Variants in CIAO3 observed in about 807,000 individuals in gnomAD.
CIAO3 encodes cytosolic iron-sulfur assembly component 3.
CIAO3 carries 45 observed loss-of-function variants against 51.5 expected under a neutral mutation model. The ratio of observed to expected loss-of-function variants is 0.87; its 90% CI spans 0.69 to 1.12. The LOEUF is 1.12. CIAO3 is among the 50% of genes most tolerant of loss of function. The pLI is 0.00. For synonymous variants in CIAO3, 314 were observed against 269.3 expected (o/e 1.17, Z -1.63); for missense variants, 668 against 632.5 (o/e 1.06, Z -0.60).
chr16:738,266 A>G (rs949793793), intron 2 of CIAO3: 10 of 987,210 alleles, frequency 1.0e-5, no homozygotes, highest in African/African-American at 1.7e-5. Flanking sequence ...TGGGCTGGAA[A>G]TCGTCTCTTG....
intron 9 of CIAO3, 148 bp from the exon 10 acceptor site, chr16:731,148 G>GGA (rs2041275382): frequency 9.8e-7 from 1 of 1,024,768 alleles, no homozygotes; most frequent in South Asian, 1.6e-5. Flanking sequence ...GGACAAGAAC[G>GGA]GAGAGAGAGG....
intron 6 of CIAO3, chr16:733,737 C>T (rs1266925808): frequency 1.2e-5 from 5 of 418,302 alleles, no homozygotes; most frequent in Non-Finnish European, 2.2e-5. Flanking sequence ...AAACGGATGT[C>T]ACGGGGGAAC....
At chr16:740,600 C>T in intron 1 of CIAO3, 1 of 458,318 alleles carries the variant, frequency 2.2e-6, no homozygotes, top group Non-Finnish European at 3.9e-6. Context: ...GGAGCCGCCT[C>T]TGCTGCCTCC....
intron 4 of CIAO3, 117 bp from the exon 5 acceptor site, chr16:734,988 G>A: frequency 7.4e-7 from 1 of 1,359,750 alleles, no homozygotes; most frequent in Non-Finnish European, 9.7e-7. Context: ...TGCTTGCCGT[G>A]CCAAAGCCCC....
chr16:733,529 G>A, intron 6 of CIAO3, 102 bp from the exon 7 acceptor site: 1 of 1,539,626 alleles, frequency 6.5e-7, no homozygotes, highest in South Asian at 1.2e-5. Context: ...GACCCCGAGG[G>A]ACAGTGAGCC....
rs35973754 is a variant in CIAO3 at position 730,603 on chromosome 16, C to G, written c.1245G>C (p.Glu415Asp). 4 of 1,610,644 alleles carry G rather than the reference C, an allele frequency of 2.5e-6. No individual in the cohort carries two copies. The highest frequency in any genetic ancestry group is 1.7e-6 in the Non-Finnish European group (2 of 1,179,966). Residue 415 changes from glutamate to aspartate, a missense_variant, in exon 11 of 11, where the codon GAG (glutamate) becomes GAC (aspartate). By Grantham distance (45) the Glu-to-Asp change is conservative. Transcript: ENST00000251588. ...QLQAPDRPSR[E>D]LLQHVERLYG... ...ACAGTCTCTCCACGTGCTGGAGGAGCTCTCTGCTGGGCCTGTCTGGGGCCT... is the reference window on the plus strand; with the variant it reads ...ACAGTCTCTCCACGTGCTGGAGGAGGTCTCTGCTGGGCCTGTCTGGGGCCT...
Position 739,651 on chromosome 16 carries a change from T to C in CIAO3, c.154A>G (p.Ile52Val). 1 of 1,614,112 alleles carries C rather than the reference T, an allele frequency of 6.2e-7. No individual in the cohort carries two copies. Among genetic ancestry groups the C allele is most frequent in the South Asian group, 1.1e-5 (1 of 91,088 alleles). The change falls in exon 2 of 11, where the codon ATT becomes GTT. Residue 52 changes from isoleucine to valine, a missense_variant. Ile to Val is a conservative substitution (Grantham distance 29, BLOSUM62 3). Transcript: ENST00000251588. ...AGCCTCCTGTGCCTTACTTGGTTAA[T>C]TTGGAAGTAGCTCCCGTCATCTTCA... The part of the protein sequence containing the change: ...RIEDDGSYFQ[I>V]NQDGGTRRLE...
chr16:735,528 C>T (rs2041329134), intron 4 of CIAO3: 1 of 152,246 alleles, frequency 6.6e-6, no homozygotes, highest in African/African-American at 2.4e-5. Context: ...GAACTTGCTT[C>T]CTATTCTGGT....
At chr16:731,920 G>A in intron 8 of CIAO3, 1 of 616,636 alleles carries the variant, frequency 1.6e-6, no homozygotes. Flanking sequence ...CCAGGCTGGA[G>A]TGCAGTGGCG....
At position 734,819 on chromosome 16, in the gene CIAO3, C is replaced by T. The variant is rs773434569; in HGVS notation, c.492G>A (p.Glu164=). ...TAFSRHFSLL[E]SQREFVRRFR... Reference sequence around the variant, plus strand: ...ATCGCCGCACAAACTCTCGCTGGCTCTCCAGGAGGCTGAAGTGCCTTGAGA... The same window carrying T: ...ATCGCCGCACAAACTCTCGCTGGCTTTCCAGGAGGCTGAAGTGCCTTGAGA... Residue 164 remains glutamate, a synonymous_variant, in exon 5 of 11, where the codon GAG becomes GAA. Transcript: ENST00000251588. The T allele has an allele frequency of 3.1e-6, 5 of 1,598,396 alleles. No individual in the cohort carries two copies. In the South Asian group the frequency reaches 5.6e-5, roughly 18 times the overall value.
chr16:737,790 T>C lies in CIAO3; in HGVS notation c.163-461A>G. The C allele has an allele frequency of 8.3e-7, 1 of 1,204,716 alleles. No individual in the cohort carries two copies. Among genetic ancestry groups the C allele is most frequent in the Non-Finnish European group, 1.1e-6 (1 of 948,108 alleles). The allele number at this position is 1,204,716 out of a possible 1,614,324, so 74.6% of individuals were successfully genotyped here. A position where few individuals can be genotyped will look rare whatever the true frequency, so the allele number is the denominator to read the frequency against. On this transcript the variant is annotated intron_variant, in intron 2 of 10. Coordinates refer to ENST00000251588, the MANE Select transcript of CIAO3 (RefSeq NM_022493.3). The surrounding 1 kb of genome is among the most constrained non-coding windows in gnomAD (Gnocchi z 5.3). ...AGGGAGGAAGCCTGGGAGCCTGGCC[T>C]CCGGTGGGCGGGGCAGAAACAACCG...
intron 8 of CIAO3, 39 bp downstream of exon 8, chr16:732,262 G>T: frequency 6.4e-7 from 1 of 1,572,322 alleles, no homozygotes; most frequent in Non-Finnish European, 8.7e-7. Flanking sequence ...GGCAGCGTTA[G>T]AAGCTAAAAT....
chr16:740,389 G>T, intron 1 of CIAO3: 1 of 321,072 alleles, frequency 3.1e-6, no homozygotes, highest in South Asian at 2.6e-5. Flanking sequence ...GCCACTGCGG[G>T]GCGTCTAGCG....
Position 733,597 on chromosome 16 carries a change from C to T in CIAO3, c.694-170G>A, listed in dbSNP as rs569148982. On this transcript the variant is annotated intron_variant, in intron 6 of 10. Transcript: ENST00000251588. ...TCTGCGGATGTGTCCCTGGACAGGA[C>T]GGGCCCTGGCTGTGACAGAAAATGA... 25 of 953,734 alleles carry T rather than the reference C, an allele frequency of 2.6e-5. No individual in the cohort carries two copies. The East Asian group carries it at 3.5e-4, about 13-fold the overall frequency. The allele number at this position is 953,734 out of a possible 1,614,324, so 59.1% of individuals were successfully genotyped here.
In CIAO3 at chr16:730,023, T is replaced by G. The variant is rs2151598877; in HGVS notation, c.*394A>C. The G allele has an allele frequency of 2.8e-6, 1 of 354,434 alleles. No homozygotes were observed. Among genetic ancestry groups the G allele is most frequent in the East Asian group, 7.3e-5 (1 of 13,624 alleles). 22.0% of individuals were successfully genotyped at this position (354,434 alleles called of 1,614,324 possible). The stretch of plus-strand genomic sequence containing the variant: ...TTTGCACAGAGCTTCAAGGGAAGCC[T>G]CCAGAAGTCAGGGGTGAGAACCCGT... On this transcript the variant is annotated 3_prime_UTR_variant, in exon 11 of 11. Transcript: ENST00000251588.
intron 7 of CIAO3, 163 bp downstream of exon 7, chr16:733,135 C>A: frequency 1.1e-6 from 1 of 894,328 alleles, no homozygotes; most frequent in South Asian, 1.8e-5. Flanking sequence ...AATGGGCCCA[C>A]CTGGCTCCAA....
At chr16:739,974 A>G (rs1448141321) in intron 1 of CIAO3, 2 of 1,484,032 alleles carry the variant, frequency 1.3e-6, no homozygotes, top group African/African-American at 1.4e-5. Context: ...GGCCAGTGCT[A>G]ACAGCGCCTG....
rs2041249869 is a variant in CIAO3 at position 729,835 on chromosome 16, G to A, written c.*582C>T. 1 of 675,508 alleles carries A rather than the reference G, an allele frequency of 1.5e-6. No individual in the cohort carries two copies. The highest frequency in any genetic ancestry group is 3.8e-5 in the Admixed American group (1 of 26,230). 41.8% of individuals were successfully genotyped at this position (675,508 alleles called of 1,614,324 possible). On this transcript the variant is annotated 3_prime_UTR_variant, in exon 11 of 11. Coordinates refer to ENST00000251588, the MANE Select transcript of CIAO3 (RefSeq NM_022493.3). ...CCTGGTGGGGACCTGGCTGGGGGAT[G>A]ATGCAGCCCGCGATGGCTGCTGCTT...
At position 733,288 on chromosome 16, in the gene CIAO3, G is replaced by GT. The variant is rs767220302; in HGVS notation, c.823+9dup. 4 of 1,612,920 alleles carry GT rather than the reference G, an allele frequency of 2.5e-6. No homozygotes were observed. The highest frequency in any genetic ancestry group is 4.5e-5 in the East Asian group (2 of 44,884). ...GCTTGAGGGCTCAGGGCCGCACGGCGTGACCGCACCTGTTGTGAGGACACA... is the reference window on the plus strand; with the variant it reads ...GCTTGAGGGCTCAGGGCCGCACGGCGTTGACCGCACCTGTTGTGAGGACACA... On this transcript the variant is annotated intron_variant, in intron 7 of 10. Coordinates refer to ENST00000251588, the MANE Select transcript of CIAO3 (RefSeq NM_022493.3).
Sources: gnomAD v4.1 joint callset for allele counts on GRCh38, gnomAD v4.1.1 for gene constraint, Gnocchi (gnomAD v3.1) non-coding constraint, MANE v1.5 for transcripts, NCBI Gene and HGNC (gene_info 2026-07-23, HGNC 2026-07-21) for gene names.